Variants in USP36 observed in about 807,000 individuals in gnomAD.
USP36 encodes the protein ubiquitin specific peptidase 36, also known as ubiquitin carboxyl-terminal hydrolase 36.
USP36 carries 59 observed loss-of-function variants against 111.5 expected under a neutral mutation model. The observed-to-expected ratio is 0.53, with a 90% CI of 0.43 to 0.66. The LOEUF is 0.66. Ranked by LOEUF, USP36 falls within the 30% of genes least tolerant of loss-of-function variation. The pLI is 0.00. For synonymous variants in USP36, 628 were observed against 581.0 expected (o/e 1.08, Z -1.16); for missense variants, 1,488 against 1,468.0 (o/e 1.01, Z -0.22).
chr17:78,806,532 A>G (rs2093906573), intron 14 of USP36, among the ~76,000 whole-genome samples: 1 of 152,210 alleles, frequency 6.6e-6, no homozygotes, highest in African/African-American at 2.4e-5. Context: ...CAGCACAACA[A>G]TCACATCCAC....
In USP36 at chr17:78,788,172, A is replaced by AT. The variant is rs112360629; in HGVS notation, c.*21-515dup. On this transcript the variant is annotated intron_variant, in intron 3 of 3. Transcript: ENST00000588130. ...TATGCATAGGTTATTTTATTTATTT[A>AT]TTTTTTTTTTTGAGACAGAGCCTCA... Among the ~76,000 whole-genome samples, 548 of 148,340 alleles carry AT rather than the reference A, an allele frequency of 3.7e-3. 1 individual carries two copies. Among genetic ancestry groups the AT allele is most frequent in the African/African-American group, 0.011 (455 of 40,600 alleles).
At chr17:78,791,128 T>C (rs958383630), downstream of USP36, among the ~76,000 whole-genome samples, 154 of 140,766 alleles carry the variant, frequency 1.1e-3, no homozygotes, top group Non-Finnish European at 2.1e-3. Flanking sequence ...AATCTGGCCT[T>C]CTTTTTTTTT....
intron 13 of USP36, among the ~76,000 whole-genome samples, chr17:78,807,878 AT>A (rs2093951066): frequency 6.6e-6 from 1 of 152,094 alleles, no homozygotes; most frequent in Admixed American, 6.6e-5. Flanking sequence ...TAATTTCTGT[AT>A]TTTTGACAGA....
chr17:78,793,021 A>T (rs1396813250), downstream of USP36, among the ~76,000 whole-genome samples: 1 of 96,014 alleles, frequency 1.0e-5, no homozygotes, highest in Admixed American at 1.3e-4. Flanking sequence ...CGCCCCCCTC[A>T]CCCCCCCAGG....
At chr17:78,789,930 G>A (rs2093568497) in intron 3 of USP36, among the ~76,000 whole-genome samples, 1 of 152,240 alleles carries the variant, frequency 6.6e-6, no homozygotes, top group African/African-American at 2.4e-5. Context: ...ACGGTGGGCT[G>A]GCTGTTTTCT....
intron 17 of USP36, among the ~76,000 whole-genome samples, chr17:78,800,947 T>A (rs1016345748): frequency 6.6e-6 from 1 of 150,790 alleles, no homozygotes; most frequent in East Asian, 1.9e-4. Flanking sequence ...GGAGCACAGC[T>A]CTGGTGCCAT....
chr17:78,800,969 ATT>A (rs746497209), intron 17 of USP36, among the ~76,000 whole-genome samples: 2,669 of 96,958 alleles, frequency 0.028, 67 homozygotes, highest in African/African-American at 0.095. Context: ...TTAGGGCAGT[ATT>A]TTTTTTTTTT....
intron 8 of USP36, among the ~76,000 whole-genome samples, chr17:78,820,220 A>G (rs987024438): frequency 6.6e-6 from 1 of 152,212 alleles, no homozygotes; most frequent in East Asian, 1.9e-4. Flanking sequence ...CACGCCTATA[A>G]TCCCAGCACC....
intron 6 of USP36, 25 bp downstream of exon 6, chr17:78,827,220 G>T: frequency 6.3e-7 from 1 of 1,593,978 alleles, no homozygotes. Context: ...CAAAGCCCTG[G>T]GAGGGTGGGT....
In USP36 at chr17:78,824,410, C is replaced by G. The variant is rs74001280; in HGVS notation, c.690-2406G>C. Among the ~76,000 whole-genome samples the G allele has an allele frequency of 1.5e-3, 227 of 152,306 alleles. 2 individuals carry two copies. Among genetic ancestry groups the G allele is most frequent in the African/African-American group, 5.3e-3 (220 of 41,564 alleles). On this transcript the variant is annotated intron_variant, in intron 6 of 20. Coordinates refer to ENST00000449938, the MANE Select transcript of USP36 (RefSeq NM_001385174.1). Reference sequence around the variant, plus strand: ...ATTTCAAAAGGGCGTATGAAACCAGCAGGCAGCATGGAGCGTGCCTGCAGT... The same window carrying G: ...ATTTCAAAAGGGCGTATGAAACCAGGAGGCAGCATGGAGCGTGCCTGCAGT...
intron 10 of USP36, among the ~76,000 whole-genome samples, chr17:78,815,305 C>T (rs955365372): frequency 2.0e-5 from 3 of 152,126 alleles, no homozygotes; most frequent in Non-Finnish European, 2.9e-5. Context: ...GCACTCCAGC[C>T]TCGCAACAGA....
chr17:78,791,779 A>T (rs1373912762), downstream of USP36: 1 of 152,186 alleles, frequency 6.6e-6, no homozygotes, highest in Non-Finnish European at 1.5e-5. Context: ...GAATGATTAG[A>T]TTCTGGTTTC....
intron 15 of USP36, among the ~76,000 whole-genome samples, chr17:78,804,658 G>GC (rs1249424798): frequency 1.2e-5 from 1 of 80,472 alleles, no homozygotes; most frequent in African/African-American, 4.8e-5. Flanking sequence ...AAAAAAGCAA[G>GC]CCAACACGTG....
At chr17:78,790,440 G>A (rs994102593) in intron 3 of USP36, among the ~76,000 whole-genome samples, 1 of 152,086 alleles carries the variant, frequency 6.6e-6, no homozygotes, top group African/African-American at 2.4e-5. Context: ...ACAGGCGTGT[G>A]CCACGAGGCC....
chr17:78,822,124 C>G, intron 6 of USP36, 120 bp from the exon 7 acceptor site: 1 of 1,138,446 alleles, frequency 8.8e-7, no homozygotes, highest in Middle Eastern at 2.3e-4. Flanking sequence ...GGAAACTCCA[C>G]CCCCCACCCG....
chr17:78,821,953 C>G lies in USP36; in HGVS notation c.741G>C (p.Gly247=), dbSNP rs1486485679. The G allele has an allele frequency of 6.2e-7, 1 of 1,614,146 alleles. No individual in the cohort carries two copies. Residue 247 remains glycine, a synonymous_variant, in exon 7 of 21, where the codon GGG becomes GGC. Coordinates refer to ENST00000449938, the MANE Select transcript of USP36 (RefSeq NM_001385174.1). ...ATTLVHQIFG[G]YLRSRVKCSV... Reference sequence around the variant, plus strand: ...TCCACTTACCGCGTGATCTGAGATACCCTCCAAAAATTTGATGGACCAAGG... The same window carrying G: ...TCCACTTACCGCGTGATCTGAGATAGCCTCCAAAAATTTGATGGACCAAGG...
At chr17:78,823,182 T>C in intron 6 of USP36, 1 of 398,722 alleles carries the variant, frequency 2.5e-6, no homozygotes, top group Middle Eastern at 6.3e-4. Context: ...TCAATTTTTA[T>C]TCTGCAAAGT....
chr17:78,829,701 C>G (rs1481029156), intron 4 of USP36, among the ~76,000 whole-genome samples: 1 of 152,204 alleles, frequency 6.6e-6, no homozygotes, highest in African/African-American at 2.4e-5. Flanking sequence ...AGTCTGCCCA[C>G]CCCTGCGCTA....
At chr17:78,824,809 A>T (rs1429705000) in intron 6 of USP36, among the ~76,000 whole-genome samples, 1 of 152,208 alleles carries the variant, frequency 6.6e-6, no homozygotes, top group Non-Finnish European at 1.5e-5. Flanking sequence ...GCCTCTAAGA[A>T]AGGGTTCAGA....
Sources: allele counts gnomAD v4.1 joint callset (sites outside exome capture counted in the v4.1 genomes callset), GRCh38; gene constraint gnomAD v4.1.1; transcripts MANE v1.5; gene names NCBI Gene and HGNC (gene_info 2026-07-23, HGNC 2026-07-21).